TNFSF11: variants seen among roughly 807,000 people sequenced by gnomAD.
TNFSF11 encodes TNF superfamily member 11.
A neutral mutation model predicts 32.2 loss-of-function variants in TNFSF11; 12 were observed. The observed-to-expected ratio is 0.37, with a 90% CI of 0.24 to 0.60. The LOEUF (loss-of-function observed/expected upper bound fraction) is 0.60, where lower values mean the gene tolerates loss of function less well. TNFSF11 is among the 20% of genes least tolerant of loss of function. TNFSF11 has a pLI of 0.66. For missense variants in TNFSF11, 345 were observed against 398.0 expected (o/e 0.87, Z 1.13); for synonymous variants, 172 against 152.1 (o/e 1.13, Z -0.96).
At chr13:42,606,459 G>A (rs765105809) in intron 4 of TNFSF11, 38 bp from the exon 5 acceptor site, 1 of 1,613,406 alleles carries the variant, frequency 6.2e-7, no homozygotes, top group Non-Finnish European at 8.5e-7. Context: ...TCTCATTTAA[G>A]GACTGACTTT....
At chr13:42,575,762 A>AT (rs1873279533) in intron 1 of TNFSF11, among the ~76,000 whole-genome samples, 1 of 152,224 alleles carries the variant, frequency 6.6e-6, no homozygotes. Flanking sequence ...TAATCTACTC[A>AT]TTGAGAGTTT....
intron 2 of TNFSF11, among the ~76,000 whole-genome samples, chr13:42,593,240 T>A (rs969675793): frequency 5.9e-5 from 9 of 152,208 alleles, no homozygotes; most frequent in Admixed American, 5.9e-4. Flanking sequence ...GCTAGGAACC[T>A]GGGATGAAGA....
chr13:42,581,380 C>G, intron 2 of TNFSF11, 87 bp downstream of exon 2: 1 of 1,413,044 alleles, frequency 7.1e-7, no homozygotes. Context: ...GCTGTTGACT[C>G]TGCTCTTTTT....
intron 2 of TNFSF11, among the ~76,000 whole-genome samples, chr13:42,593,646 G>A (rs560105469): frequency 6.6e-6 from 1 of 152,342 alleles, no homozygotes; most frequent in East Asian, 1.9e-4. Flanking sequence ...TGCTAACTCG[G>A]CTGATGAATG....
At position 42,604,546 on chromosome 13, in the gene TNFSF11, G is replaced by A. The variant is rs146543945; in HGVS notation, c.533-1951G>A. The stretch of plus-strand genomic sequence containing the variant: ...TCTTCTCATGATGGGTTGCCCCACC[G>A]TTGGATGGCCCTTGCTGCAGTTTTT... On this transcript the variant is annotated intron_variant, in intron 4 of 4. Coordinates refer to ENST00000398795, the MANE Select transcript of TNFSF11 (RefSeq NM_003701.4). Among the ~76,000 whole-genome samples the A allele has an allele frequency of 3.6e-3, 550 of 152,252 alleles. 5 individuals are homozygous for A. The highest frequency in any genetic ancestry group is 0.012 in the African/African-American group (516 of 41,548).
rs11385072 is a variant in TNFSF11, at chr13:42,599,349, C to CTATCATCT, written c.388-1403_388-1402insTATCATCT. Among the ~76,000 whole-genome samples, 961 of 112,180 alleles carry CTATCATCT rather than the reference C, an allele frequency of 8.6e-3. 4 individuals are homozygous for CTATCATCT. Among genetic ancestry groups the CTATCATCT allele is most frequent in the Non-Finnish European group, 9.8e-3 (540 of 54,878 alleles). 73.6% of individuals were successfully genotyped at this position (112,180 alleles called of 152,430 possible). Reference sequence around the variant, plus strand: ...TCTATCTATCTATCTATCTATCTATCATCTATCTATCTATCTATCTATCTA... The same window carrying CTATCATCT: ...TCTATCTATCTATCTATCTATCTATCTATCATCTATCTATCTATCTATCTATCTATCTA... On this transcript the variant is annotated intron_variant, in intron 2 of 4. Coordinates refer to ENST00000398795, the MANE Select transcript of TNFSF11 (RefSeq NM_003701.4).
At chr13:42,586,557 G>A (rs549531903) in intron 2 of TNFSF11, among the ~76,000 whole-genome samples, 24 of 152,280 alleles carry the variant, frequency 1.6e-4, no homozygotes, top group Admixed American at 1.5e-3. Context: ...AGGCTTCTTT[G>A]TTCTGCATAA....
At chr13:42,572,064 T>C (rs772075110), upstream of TNFSF11, among the ~76,000 whole-genome samples, 1 of 152,212 alleles carries the variant, frequency 6.6e-6, no homozygotes, top group African/African-American at 2.4e-5. Flanking sequence ...GCAAGAAAGA[T>C]ACATTACCTG....
chr13:42,597,478 T>C (rs1566386144), intron 2 of TNFSF11, among the ~76,000 whole-genome samples: 1 of 151,614 alleles, frequency 6.6e-6, no homozygotes, highest in Non-Finnish European at 1.5e-5. Context: ...GAAAGAAAAG[T>C]TCATAGTTCA....
intron 1 of TNFSF11, among the ~76,000 whole-genome samples, chr13:42,579,254 G>C (rs1249968969): frequency 6.6e-6 from 1 of 151,696 alleles, no homozygotes; most frequent in Non-Finnish European, 1.5e-5. Context: ...GAAGAAATTA[G>C]CCAATTAGCC....
intron 2 of TNFSF11, among the ~76,000 whole-genome samples, chr13:42,599,303 CTCTATCTATCTA>C (rs140280017): frequency 6.3e-5 from 9 of 142,772 alleles, no homozygotes; most frequent in Non-Finnish European, 7.6e-5. Flanking sequence ...ATGTTATTGC[CTCTATCTATCTA>C]TCTATCTATC....
upstream of TNFSF11, among the ~76,000 whole-genome samples, chr13:42,573,485 C>G (rs9533155): frequency 0.39 from 59,887 of 152,062 alleles, 12,288 homozygotes; most frequent in Non-Finnish European, 0.44. Context: ...GGTGAGCCCT[C>G]CTCGGATGCT....
At chr13:42,586,340 A>G (rs1198050729) in intron 2 of TNFSF11, among the ~76,000 whole-genome samples, 1 of 152,234 alleles carries the variant, frequency 6.6e-6, no homozygotes, top group African/African-American at 2.4e-5. Flanking sequence ...TCTGTAAACT[A>G]ATATTTTACA....
chr13:42,589,503 G>C (rs376453706), intron 2 of TNFSF11, among the ~76,000 whole-genome samples: 13 of 152,250 alleles, frequency 8.5e-5, no homozygotes, highest in Non-Finnish European at 1.6e-4. Flanking sequence ...TCAGTAGATC[G>C]CTGTGGTTGT....
chr13:42,601,052 C>A, intron 4 of TNFSF11, 71 bp downstream of exon 4: 1 of 1,552,450 alleles, frequency 6.4e-7, no homozygotes, highest in Non-Finnish European at 8.9e-7. Context: ...AATACTGAAA[C>A]CTATTTTTAG....
At chr13:42,605,012 C>T (rs1030120269) in intron 4 of TNFSF11, among the ~76,000 whole-genome samples, 2 of 151,920 alleles carry the variant, frequency 1.3e-5, no homozygotes, top group African/African-American at 4.8e-5. Context: ...CTCGAACTCC[C>T]GACCTCATGA....
intron 2 of TNFSF11, among the ~76,000 whole-genome samples, chr13:42,599,357 T>TATCTATCTATCTATC (rs1869025556): frequency 6.8e-6 from 1 of 148,012 alleles, no homozygotes. Context: ...ATCATCTATC[T>TATCTATCTATCTATC]ATCTATCTAT....
chr13:42,596,388 G>A (rs1446623282), intron 2 of TNFSF11, among the ~76,000 whole-genome samples: 1 of 152,116 alleles, frequency 6.6e-6, no homozygotes, highest in Admixed American at 6.5e-5. Flanking sequence ...GCCAGTCAAG[G>A]TGAGCCACCT....
rs1183351831 is a variant in TNFSF11 at position 42,606,529 on chromosome 13, C to T, written c.565C>T (p.His189Tyr). 1 of 1,614,054 alleles carries T rather than the reference C, an allele frequency of 6.2e-7. No homozygotes were observed. Among genetic ancestry groups the T allele is most frequent in the African/African-American group, 1.3e-5 (1 of 74,908 alleles). ...TAAAGTGAGTCTGTCCTCTTGGTAC[C>T]ATGATCGGGGTTGGGCCAAGATCTC... is the stretch of plus-strand genomic sequence containing the variant. ...SHKVSLSSWYHDRGWAKISNM... is the reference protein window; with the variant it reads ...SHKVSLSSWYYDRGWAKISNM... The change falls in exon 5 of 5, where the codon CAT (histidine) becomes TAT (tyrosine). Residue 189 changes from histidine to tyrosine, a missense_variant. His to Tyr is a moderately conservative substitution (Grantham distance 83). This residue lies in a region of TNFSF11 where 148 missense variants were observed against 216.0 expected (regional missense o/e 0.69). Coordinates refer to ENST00000398795, the MANE Select transcript of TNFSF11 (RefSeq NM_003701.4).
Sources: gnomAD v4.1 joint callset for allele counts (sites outside exome capture counted in the v4.1 genomes callset) on GRCh38, gnomAD v4.1.1 for gene constraint, gnomAD v4.1.1 regional missense constraint, MANE v1.5 for transcripts, NCBI Gene and HGNC (gene_info 2026-07-23, HGNC 2026-07-21) for gene names.